Variants in GTPBP6 observed in about 807,000 individuals in gnomAD.
The protein encoded by GTPBP6 is GTP binding protein 6, also known as putative GTP-binding protein 6.
In GTPBP6, 33 loss-of-function variants were observed where a neutral mutation model predicts 28.9. The ratio of observed to expected loss-of-function variants is 1.14; its 90% CI spans 0.87 to 1.53. The LOEUF (loss-of-function observed/expected upper bound fraction) is 1.53. GTPBP6 is among the 40% of genes most tolerant of loss of function. The pLI is 0.00. For missense variants in GTPBP6, 507 were observed against 408.3 expected (o/e 1.24, Z -2.08); for synonymous variants, 231 against 192.7 (o/e 1.20, Z -1.65).
chrX:313,432 G>A (rs1757609983), intron 5 of GTPBP6, among the ~76,000 whole-genome samples: 1 of 152,174 alleles, frequency 6.6e-6, no homozygotes, highest in African/African-American at 2.4e-5. Flanking sequence ...GGAGCCCCCA[G>A]GAGCTGGGAG....
intron 5 of GTPBP6, 54 bp from the exon 6 acceptor site, chrX:312,978 T>G: frequency 1.9e-6 from 3 of 1,540,584 alleles, no homozygotes; most frequent in Non-Finnish European, 2.7e-6. Flanking sequence ...AAGGCACAAG[T>G]GCGGGCGGTG....
chrX:310,105 T>C (rs1175225128), intron 7 of GTPBP6, among the ~76,000 whole-genome samples: 44 of 121,430 alleles, frequency 3.6e-4, no homozygotes, highest in East Asian at 1.7e-3. Context: ...TGAACTGAAC[T>C]GTGGCCCCCC....
At chrX:316,149 T>A (rs1195223145) in intron 2 of GTPBP6, among the ~76,000 whole-genome samples, 20 of 36,140 alleles carry the variant, frequency 5.5e-4, no homozygotes, top group African/African-American at 1.2e-3. Flanking sequence ...ACACACACAG[T>A]AAATACATCC....
At chrX:318,702 G>C (rs1216572825) in exon 1 of GTPBP6, 4 of 376,844 alleles carry the variant, frequency 1.1e-5, no homozygotes, top group African/African-American at 2.1e-5. Context: ...GGGGCAGGAC[G>C]GCGCGGCTGC....
At chrX:312,896 A>G (rs777771400) in exon 6 of GTPBP6, 12 of 1,612,450 alleles carry the variant, frequency 7.4e-6, no homozygotes, top group African/African-American at 2.7e-5. Context: ...CTCTCAGGAG[A>G]CGCTGCTGCA....
exon 3 of GTPBP6, chrX:315,287 C>T: frequency 5.0e-6 from 2 of 398,498 alleles, no homozygotes; most frequent in Non-Finnish European, 8.8e-6. Flanking sequence ...GTCTGGAGAC[C>T]CTCGGATCTT....
rs767393196 is a variant in GTPBP6 at position 305,548 on chromosome X, C to G, written c.1428-351G>C. On this transcript the variant is annotated intron_variant, in intron 9 of 9. Transcript: ENST00000326153. ...GTGTTAGCCAGGATGGTCTCGATCT[C>G]CTGACTTCGTGATCCACCCGCCTCG... Among the ~76,000 whole-genome samples, 393 of 150,726 alleles carry G rather than the reference C, an allele frequency of 2.6e-3. 11 individuals are homozygous for G. The highest frequency in any genetic ancestry group is 0.01 in the Middle Eastern group (3 of 290).
At chrX:305,613 G>A (rs1204889826) in intron 9 of GTPBP6, among the ~76,000 whole-genome samples, 5 of 138,930 alleles carry the variant, frequency 3.6e-5, no homozygotes, top group African/African-American at 8.7e-5. Context: ...GAGCCACTGC[G>A]CCCGGCTTTT....
intron 2 of GTPBP6, among the ~76,000 whole-genome samples, chrX:315,540 A>ACACG (rs2070414516): frequency 1.1e-4 from 15 of 132,652 alleles, no homozygotes; most frequent in African/African-American, 5.2e-4. Context: ...GGACACAAAC[A>ACACG]CATACACACG....
Position 311,536 on chromosome X carries a change from C to T in GTPBP6, c.1008G>A (p.Ala336=), listed in dbSNP as rs200124577. Residue 336 remains alanine (A), a synonymous_variant, in exon 7 of 10, where the codon GCG becomes GCA. Transcript: ENST00000326153. ...CGGTCATGCGTGAGGGCAGCGTGCC[C>T]GCGTGGGCCGTGACGTCCAGCGTGG... The T allele has an allele frequency of 1.7e-4, 267 of 1,612,246 alleles. No individual in the cohort carries two copies. The Middle Eastern group carries it at 1.8e-3, about 11-fold the overall frequency.
chrX:311,624 T>C (rs1217740797), exon 7 of GTPBP6: 5 of 1,611,282 alleles, frequency 3.1e-6, no homozygotes, highest in Non-Finnish European at 4.2e-6. Context: ...CAGCGTGGTC[T>C]TTCCTAGGAG....
intron 9 of GTPBP6, among the ~76,000 whole-genome samples, 162 bp from the exon 10 acceptor site, chrX:305,359 T>C (rs940647839): frequency 8.0e-5 from 12 of 150,536 alleles, no homozygotes; most frequent in African/African-American, 3.0e-4. Flanking sequence ...TCTCACTCTG[T>C]CGCGTAGGCT....
intron 2 of GTPBP6, 51 bp from the exon 3 acceptor site, chrX:315,350 C>T (rs2070410329): frequency 1.8e-5 from 7 of 398,470 alleles, no homozygotes; most frequent in Admixed American, 4.4e-5. Flanking sequence ...CACCCGTGGA[C>T]TGTGGGATGA....
chrX:305,238 G>GT (rs2070131789), intron 9 of GTPBP6, 41 bp from the exon 10 acceptor site: 3 of 1,417,174 alleles, frequency 2.1e-6, no homozygotes, highest in Non-Finnish European at 2.0e-6. Context: ...AGCAGAACCC[G>GT]TAAGTATTTG....
intron 1 of GTPBP6, 27 bp downstream of exon 1, chrX:318,412 C>A: frequency 3.0e-6 from 1 of 330,322 alleles, no homozygotes; most frequent in Non-Finnish European, 5.4e-6. Context: ...GCTCCTGTTT[C>A]TCCCCCGAAA....
exon 10 of GTPBP6, chrX:304,784 T>C: frequency 7.5e-7 from 1 of 1,329,016 alleles, no homozygotes; most frequent in Non-Finnish European, 9.6e-7. Flanking sequence ...AATGTCCTGT[T>C]ACGGAAACAT....
At chrX:305,867 G>T (rs183635299) in intron 9 of GTPBP6, among the ~76,000 whole-genome samples, 1 of 151,874 alleles carries the variant, frequency 6.6e-6, no homozygotes, top group African/African-American at 2.4e-5. Flanking sequence ...CTTGTGGTCC[G>T]CCCACCTCGG....
intron 2 of GTPBP6, among the ~76,000 whole-genome samples, chrX:316,242 CATACACACGCAG>C (rs2070437222): frequency 5.1e-5 from 1 of 19,788 alleles, no homozygotes; most frequent in Non-Finnish European, 1.4e-4. Flanking sequence ...GACACAAACA[CATACACACGCAG>C]ACACACACAC....
At chrX:308,971 C>G (rs746424652) in intron 7 of GTPBP6, among the ~76,000 whole-genome samples, 16 of 152,106 alleles carry the variant, frequency 1.1e-4, no homozygotes, top group South Asian at 2.1e-4. Flanking sequence ...GTGATCCACC[C>G]GCCTCAACCT....
Sources: allele counts gnomAD v4.1 joint callset (sites outside exome capture counted in the v4.1 genomes callset), GRCh38; gene constraint gnomAD v4.1.1; transcripts MANE v1.5; gene names NCBI Gene and HGNC (gene_info 2026-07-23, HGNC 2026-07-21).